Variants in KCNAB1 observed in about 807,000 individuals in gnomAD.
KCNAB1 encodes the protein voltage-gated potassium channel subunit beta-1.
In KCNAB1, 35 loss-of-function variants were observed where a neutral mutation model predicts 64.6. The observed-to-expected ratio is 0.54, with a 90% CI of 0.41 to 0.72. The LOEUF (loss-of-function observed/expected upper bound fraction) is 0.72, where lower values mean the gene tolerates loss of function less well. KCNAB1 is among the 30% of genes least tolerant of loss of function. The probability of loss-of-function intolerance (pLI) is 0.00; values close to 1 mark genes in which losing one functional copy is unlikely to be tolerated. For missense variants in KCNAB1, 401 were observed against 512.9 expected, an observed-to-expected ratio of 0.78 and a Z score of 2.11; for synonymous variants, 177 against 183.8, an observed-to-expected ratio of 0.96 and a Z score of 0.30.
intron 1 of KCNAB1, among the ~76,000 whole-genome samples, chr3:156,145,379 A>G (rs139950030): frequency 6.6e-6 from 1 of 152,108 alleles, no homozygotes; most frequent in Non-Finnish European, 1.5e-5. Flanking sequence ...TCCCTTTAAG[A>G]CACTCGCTTA....
At chr3:156,164,011 T>C (rs1716229990) in intron 1 of KCNAB1, among the ~76,000 whole-genome samples, 1 of 152,224 alleles carries the variant, frequency 6.6e-6, no homozygotes, top group Admixed American at 6.5e-5. Flanking sequence ...ATGCTAGGCA[T>C]CAAGACTGCA....
intron 1 of KCNAB1, among the ~76,000 whole-genome samples, chr3:156,284,455 C>G (rs577331241): frequency 6.6e-6 from 1 of 152,220 alleles, no homozygotes. Flanking sequence ...GTGGAGCCTA[C>G]AGAGGCAGGC....
intron 1 of KCNAB1, among the ~76,000 whole-genome samples, chr3:156,296,598 C>T (rs999936048): frequency 1.4e-4 from 21 of 151,628 alleles, no homozygotes; most frequent in Admixed American, 2.0e-4. Context: ...CTCAGCCTCC[C>T]GAGTAGCTGG....
intron 3 of KCNAB1, among the ~76,000 whole-genome samples, chr3:156,453,531 ACACT>A (rs1237762180): frequency 3.9e-5 from 6 of 152,232 alleles, no homozygotes; most frequent in Non-Finnish European, 7.3e-5. Context: ...TAGGTAGCAG[ACACT>A]CAATAAATGG....
At chr3:156,466,042 C>T (rs557294722) in intron 7 of KCNAB1, among the ~76,000 whole-genome samples, 38 of 152,158 alleles carry the variant, frequency 2.5e-4, no homozygotes, top group East Asian at 9.6e-4. Context: ...AGTATAATTA[C>T]GGAGTTGTAC....
intron 1 of KCNAB1, among the ~76,000 whole-genome samples, chr3:156,294,497 G>A (rs1405553295): frequency 6.6e-6 from 1 of 152,048 alleles, no homozygotes; most frequent in Non-Finnish European, 1.5e-5. Flanking sequence ...GGGGGAGGGA[G>A]ACTAATTATA....
chr3:156,338,142 A>G (rs983630786), intron 1 of KCNAB1, among the ~76,000 whole-genome samples: 1 of 152,050 alleles, frequency 6.6e-6, no homozygotes, highest in African/African-American at 2.4e-5. Flanking sequence ...AGGATTCACA[A>G]ATCTGGTTGA....
chr3:156,140,045 T>A (rs1195298643), intron 1 of KCNAB1, among the ~76,000 whole-genome samples: 1 of 152,208 alleles, frequency 6.6e-6, no homozygotes, highest in Admixed American at 6.5e-5. Context: ...TCTCATTATC[T>A]AAAAAGAAGG....
Position 156,537,048 on chromosome 3 carries a change from T to C in KCNAB1, c.*301T>C. The C allele has an allele frequency of 4.6e-6, 2 of 438,720 alleles. No homozygotes were observed. The allele number at this position is 438,720 out of a possible 1,614,324, so 27.2% of individuals were successfully genotyped here. The stretch of plus-strand genomic sequence containing the variant: ...GGGGGCCAGGGGGTGTGGTACTACC[T>C]TCAGGCATTTGGTAACTCAAAGAAG... On this transcript the variant is annotated 3_prime_UTR_variant, in exon 14 of 14. Transcript: ENST00000490337.
chr3:156,246,991 A>G (rs570688615), intron 1 of KCNAB1, among the ~76,000 whole-genome samples: 2 of 152,338 alleles, frequency 1.3e-5, no homozygotes, highest in South Asian at 4.1e-4. Flanking sequence ...TTATCTATCA[A>G]TGCATAAGAA....
chr3:156,264,936 A>T (rs570002821), intron 1 of KCNAB1, among the ~76,000 whole-genome samples: 1 of 152,192 alleles, frequency 6.6e-6, no homozygotes, highest in Non-Finnish European at 1.5e-5. Context: ...CCCAACTACT[A>T]TCTTGAGTTG....
At chr3:156,427,940 A>G (rs983613976) in intron 2 of KCNAB1, among the ~76,000 whole-genome samples, 1 of 152,190 alleles carries the variant, frequency 6.6e-6, no homozygotes, top group African/African-American at 2.4e-5. Context: ...GTAACACACC[A>G]CAATGTCCAG....
intron 1 of KCNAB1, among the ~76,000 whole-genome samples, chr3:156,372,230 A>G (rs1726351075): frequency 6.6e-6 from 1 of 152,258 alleles, no homozygotes. Flanking sequence ...TGAGAGTAAT[A>G]CATTGAATAG....
At chr3:156,177,334 G>A (rs927489989) in intron 1 of KCNAB1, among the ~76,000 whole-genome samples, 1 of 152,044 alleles carries the variant, frequency 6.6e-6, no homozygotes, top group Non-Finnish European at 1.5e-5. Context: ...AATTGCCTGG[G>A]AAATAACTAA....
chr3:156,269,146 CT>C (rs1371154818), intron 1 of KCNAB1, among the ~76,000 whole-genome samples: 2 of 152,130 alleles, frequency 1.3e-5, no homozygotes, highest in Non-Finnish European at 2.9e-5. Context: ...TTACTGGTGC[CT>C]TTGTCAAAAA....
intron 1 of KCNAB1, among the ~76,000 whole-genome samples, chr3:156,276,713 TA>T (rs1270522882): frequency 6.6e-6 from 1 of 152,200 alleles, no homozygotes; most frequent in African/African-American, 2.4e-5. Context: ...TTTTCATCTG[TA>T]GCTTTCCCAC....
intron 1 of KCNAB1, among the ~76,000 whole-genome samples, chr3:156,166,708 G>A (rs1380170171): frequency 6.6e-6 from 1 of 152,082 alleles, no homozygotes; most frequent in Non-Finnish European, 1.5e-5. Context: ...TGTGGTAATT[G>A]CACTATTGTA....
intron 1 of KCNAB1, among the ~76,000 whole-genome samples, chr3:156,289,677 T>C (rs990387609): frequency 6.6e-6 from 1 of 152,182 alleles, no homozygotes; most frequent in Non-Finnish European, 1.5e-5. Flanking sequence ...TTTTTTAAAG[T>C]AAAGTGTGGG....
chr3:156,536,124 A>C (rs1212351219), intron 13 of KCNAB1, among the ~76,000 whole-genome samples: 1 of 152,160 alleles, frequency 6.6e-6, no homozygotes, highest in African/African-American at 2.4e-5. Context: ...ATCTCTCCTT[A>C]GTCTCTAGAC....
Sources: allele counts gnomAD v4.1 joint callset (sites outside exome capture counted in the v4.1 genomes callset), GRCh38; gene constraint gnomAD v4.1.1; transcripts MANE v1.5; gene names NCBI Gene and HGNC (gene_info 2026-07-23, HGNC 2026-07-21).